Variants in CPED1 observed in about 807,000 individuals in gnomAD.
The protein encoded by CPED1 is cadherin-like and PC-esterase domain-containing protein 1.
CPED1 carries 114 observed loss-of-function variants against 128.2 expected under a neutral mutation model. The ratio of observed to expected loss-of-function variants is 0.89; its 90% CI spans 0.76 to 1.04. The LOEUF (loss-of-function observed/expected upper bound fraction) is 1.04. CPED1 is among the 50% of genes least tolerant of loss of function. The probability of loss-of-function intolerance (pLI) is 0.00; values close to 1 mark genes in which losing one functional copy is unlikely to be tolerated. For synonymous variants in CPED1, 462 were observed against 426.7 expected, an observed-to-expected ratio of 1.08 and a Z score of -1.02; for missense variants, 1,211 against 1,207.1, an observed-to-expected ratio of 1.00 and a Z score of -0.05.
rs1798072557 is a variant in CPED1, at chr7:121,228,658, G to GA, written c.2056-8050dup. On this transcript the variant is annotated intron_variant, in intron 16 of 22. Coordinates refer to ENST00000310396, the MANE Select transcript of CPED1 (RefSeq NM_024913.5). ...TCCACTACTGGGTATCTAACCAGAA[G>GA]AAAAAACATCCGTTTATCAAAGGGA... 4.0e-5 allele frequency among the ~76,000 whole-genome samples: 6 copies of GA among 149,984 alleles called. No homozygotes were observed. In the South Asian group the frequency reaches 1.3e-3, roughly 32 times the overall value.
intron 2 of CPED1, among the ~76,000 whole-genome samples, chr7:120,992,522 A>C (rs1467541013): frequency 6.6e-6 from 1 of 152,204 alleles, no homozygotes; most frequent in Non-Finnish European, 1.5e-5. Context: ...ACCACTACAA[A>C]TGCTTAACAA....
chr7:121,088,658 C>CA (rs36134514), intron 5 of CPED1, among the ~76,000 whole-genome samples: 6,269 of 136,536 alleles, frequency 0.046, 200 homozygotes, highest in Non-Finnish European at 0.061. Flanking sequence ...GACTGCTTCT[C>CA]AAAAAAAAAA....
intron 7 of CPED1, among the ~76,000 whole-genome samples, chr7:121,104,599 C>T (rs1425296642): frequency 6.6e-6 from 1 of 152,092 alleles, no homozygotes; most frequent in East Asian, 1.9e-4. Context: ...TTGTCCAAAG[C>T]CTTATTTTGT....
intron 3 of CPED1, among the ~76,000 whole-genome samples, chr7:121,040,314 A>G (rs1793016751): frequency 6.6e-6 from 1 of 152,136 alleles, no homozygotes; most frequent in Non-Finnish European, 1.5e-5. Context: ...CTAAGTGTCT[A>G]CTATAATCAG....
At chr7:121,028,116 T>C (rs1166215810) in intron 3 of CPED1, among the ~76,000 whole-genome samples, 1 of 152,160 alleles carries the variant, frequency 6.6e-6, no homozygotes, top group Non-Finnish European at 1.5e-5. Flanking sequence ...CATGCGTCAG[T>C]GTTCTCTGGA....
At chr7:121,068,565 T>TTC (rs199502436) in intron 5 of CPED1, among the ~76,000 whole-genome samples, 3,349 of 152,006 alleles carry the variant, frequency 0.022, 130 homozygotes, top group African/African-American at 0.077. Context: ...TCCAGCTTTG[T>TTC]TCTTTTGGCT....
chr7:121,093,397 T>TGTACACACACAC (rs1554433497), intron 5 of CPED1, among the ~76,000 whole-genome samples: 1 of 145,470 alleles, frequency 6.9e-6, no homozygotes, highest in Admixed American at 6.9e-5. Flanking sequence ...CCTTTTTCTG[T>TGTACACACACAC]ACACACACAC....
intron 22 of CPED1, among the ~76,000 whole-genome samples, chr7:121,286,400 C>T (rs1792574000): frequency 6.6e-6 from 1 of 152,142 alleles, no homozygotes; most frequent in Non-Finnish European, 1.5e-5. Context: ...CCCAGGGGTT[C>T]CTCAGTGTCA....
chr7:121,099,549 G>T (rs798936), intron 6 of CPED1, among the ~76,000 whole-genome samples: 116,181 of 151,956 alleles, frequency 0.76, 44,922 homozygotes, highest in East Asian at 0.96. Flanking sequence ...TGTATTTTTA[G>T]TAGAGACAGG....
chr7:121,079,475 C>T (rs1313214345), intron 5 of CPED1, among the ~76,000 whole-genome samples: 1 of 152,220 alleles, frequency 6.6e-6, no homozygotes, highest in Non-Finnish European at 1.5e-5. Context: ...CCACTGGCTA[C>T]CCAGGTGCCC....
At chr7:121,293,603 C>G (rs968904481) in intron 22 of CPED1, among the ~76,000 whole-genome samples, 5 of 152,176 alleles carry the variant, frequency 3.3e-5, no homozygotes, top group Admixed American at 3.3e-4. Context: ...ATGGCTGCCC[C>G]ATTTTGTGCT....
At chr7:121,176,135 C>T (rs552830030) in intron 16 of CPED1, among the ~76,000 whole-genome samples, 4 of 141,934 alleles carry the variant, frequency 2.8e-5, no homozygotes, top group Non-Finnish European at 3.0e-5. Context: ...ATAAATAACT[C>T]GAGAGTTTTA....
At chr7:121,137,740 A>G (rs758902693) in intron 14 of CPED1, among the ~76,000 whole-genome samples, 15 of 152,048 alleles carry the variant, frequency 9.9e-5, no homozygotes, top group Non-Finnish European at 2.1e-4. Flanking sequence ...CTACCCCCAG[A>G]AAAATACATG....
At chr7:121,262,995 T>C (rs1792050291) in intron 18 of CPED1, among the ~76,000 whole-genome samples, 1 of 152,122 alleles carries the variant, frequency 6.6e-6, no homozygotes, top group Non-Finnish European at 1.5e-5. Flanking sequence ...TTTCCATCTT[T>C]CATGAATGGA....
intron 4 of CPED1, chr7:121,050,850 A>T: frequency 4.3e-6 from 2 of 469,846 alleles, no homozygotes; most frequent in South Asian, 3.1e-5. Context: ...CAGCTTCGCG[A>T]AGGCTCTCGG....
intron 16 of CPED1, among the ~76,000 whole-genome samples, chr7:121,177,854 A>G (rs1298721331): frequency 1.3e-5 from 2 of 152,090 alleles, no homozygotes; most frequent in Non-Finnish European, 2.9e-5. Flanking sequence ...ACCAGGGGGT[A>G]AAGTTGTTAT....
chr7:121,013,103 T>C (rs1792204238), intron 2 of CPED1, among the ~76,000 whole-genome samples: 2 of 152,204 alleles, frequency 1.3e-5, no homozygotes, highest in Admixed American at 1.3e-4. Flanking sequence ...CACCGATATA[T>C]TGGGAAGCAT....
rs770131619 is a variant in CPED1 at position 121,279,544 on chromosome 7, A to G, written c.2868+8114A>G. On this transcript the variant is annotated intron_variant, in intron 22 of 22. Coordinates refer to ENST00000310396, the MANE Select transcript of CPED1 (RefSeq NM_024913.5). ...CTATGAAGTTTGACTTAGCAGGCAA[A>G]ATAAGGTACAACTGAAAGTGCCGAG... Among the ~76,000 whole-genome samples the G allele has an allele frequency of 2.6e-4, 39 of 152,216 alleles. 1 individual carries two copies. The highest frequency in any genetic ancestry group is 8.7e-4 in the African/African-American group (36 of 41,538).
chr7:121,101,469 C>T (rs1794848143), intron 7 of CPED1, among the ~76,000 whole-genome samples: 2 of 151,890 alleles, frequency 1.3e-5, no homozygotes, highest in South Asian at 4.2e-4. Flanking sequence ...CAGATTTGAT[C>T]CTTCCATTTC....
Sources: allele counts gnomAD v4.1 joint callset (sites outside exome capture counted in the v4.1 genomes callset), GRCh38; gene constraint gnomAD v4.1.1; transcripts MANE v1.5; gene names NCBI Gene and HGNC (gene_info 2026-07-23, HGNC 2026-07-21).